The following DCC variants were observed in gnomAD, a reference collection of about 807,000 sequenced individuals.
DCC encodes the protein netrin receptor DCC.
Under a neutral mutation model 172.5 loss-of-function variants are expected in DCC, and 58 were observed. The observed-to-expected ratio is 0.34, with a 90% CI of 0.27 to 0.42. The LOEUF (loss-of-function observed/expected upper bound fraction) is 0.42. Ranked by LOEUF, DCC falls within the 10% of genes least tolerant of loss-of-function variation. The pLI is 1.00. For missense variants in DCC, 1,740 were observed against 1,791.0 expected, an observed-to-expected ratio of 0.97 and a Z score of 0.51; for synonymous variants, 709 against 644.5, an observed-to-expected ratio of 1.10 and a Z score of -1.52.
Position 52,773,198 on chromosome 18 carries a change from TG to T in DCC, c.412+20825del, listed in dbSNP as rs1370641146. ...TGAAATCCCTGAAAACTATAGCCTA[TG>T]TGTTAAGATTTATTCTTTAAGTTGG... On this transcript the variant is annotated intron_variant, in intron 2 of 28. Coordinates refer to ENST00000442544, the MANE Select transcript of DCC (RefSeq NM_005215.4). Among the ~76,000 whole-genome samples the T allele has an allele frequency of 4.6e-5, 7 of 152,334 alleles. No homozygotes were observed. In the East Asian group the frequency reaches 1.2e-3, roughly 25 times the overall value.
In DCC at chr18:53,449,315, A is replaced by C. The variant is rs532640289; in HGVS notation, c.3230-1185A>C. Among the ~76,000 whole-genome samples, 76 of 152,314 alleles carry C rather than the reference A, an allele frequency of 5.0e-4. No homozygotes were observed. In the South Asian group the frequency reaches 0.015, roughly 31 times the overall value. On this transcript the variant is annotated intron_variant, in intron 22 of 28. Coordinates refer to ENST00000442544, the MANE Select transcript of DCC (RefSeq NM_005215.4). ...TTGCTAGTTGATTTATCATTGACTG[A>C]GAGCTTAAGAAAGCTACGTCAAGGG...
At chr18:53,486,175 T>TTCA (rs2045897285) in intron 25 of DCC, among the ~76,000 whole-genome samples, 1 of 152,162 alleles carries the variant, frequency 6.6e-6, no homozygotes, top group Non-Finnish European at 1.5e-5. Context: ...ATCTGTGGGT[T>TTCA]TCAGCCACTG....
At position 53,095,668 on chromosome 18, in the gene DCC, C is replaced by T. The variant is rs2043075517; in HGVS notation, c.1261+29502C>T. ...TCAACTCATAAGACCTTTGTTATTG[C>T]ATTGAGCTTATTTAGATAAACCAGG... On this transcript the variant is annotated intron_variant, in intron 7 of 28. Coordinates refer to ENST00000442544, the MANE Select transcript of DCC (RefSeq NM_005215.4). 2.6e-5 allele frequency among the ~76,000 whole-genome samples: 4 copies of T among 152,076 alleles called. No individual in the cohort carries two copies. In the South Asian group the frequency reaches 8.3e-4, roughly 32 times the overall value.
chr18:52,553,240 A>G (rs1443252846), intron 1 of DCC, among the ~76,000 whole-genome samples: 1 of 152,056 alleles, frequency 6.6e-6, no homozygotes, highest in Non-Finnish European at 1.5e-5. Context: ...ACACACACAC[A>G]TATATGCTTT....
chr18:52,376,443 A>C (rs537561749), intron 1 of DCC, among the ~76,000 whole-genome samples: 1 of 152,120 alleles, frequency 6.6e-6, no homozygotes, highest in Non-Finnish European at 1.5e-5. Flanking sequence ...AAGAATAGAA[A>C]GAATAGACTT....
At chr18:53,144,905 T>C (rs1316019825) in intron 7 of DCC, among the ~76,000 whole-genome samples, 3 of 152,122 alleles carry the variant, frequency 2.0e-5, no homozygotes, top group Admixed American at 6.5e-5. Context: ...GGAGATAATA[T>C]AATAAGGTCA....
chr18:52,427,994 G>A (rs1402263534), intron 1 of DCC, among the ~76,000 whole-genome samples: 5 of 152,028 alleles, frequency 3.3e-5, no homozygotes, highest in East Asian at 3.9e-4. Flanking sequence ...ACAAAGTCAC[G>A]TCTCTAGGAC....
chr18:52,719,797 C>T (rs1400952567), intron 1 of DCC, among the ~76,000 whole-genome samples: 4 of 152,098 alleles, frequency 2.6e-5, no homozygotes, highest in Non-Finnish European at 5.9e-5. Context: ...TGGAGAATAA[C>T]ACTCCAGGTA....
chr18:53,332,451 A>G lies in DCC; in HGVS notation c.2165-7262A>G, dbSNP rs534676718. ...AAATTTGTAGAATAGCTAAGAGTAC[A>G]AACTATATGTGAAATGCTACATGAG... On this transcript the variant is annotated intron_variant, in intron 14 of 28. Coordinates refer to ENST00000442544, the MANE Select transcript of DCC (RefSeq NM_005215.4). 2.0e-5 allele frequency among the ~76,000 whole-genome samples: 3 copies of G among 152,328 alleles called. No individual in the cohort carries two copies. In the South Asian group the frequency reaches 6.2e-4, roughly 32 times the overall value.
intron 21 of DCC, among the ~76,000 whole-genome samples, chr18:53,418,310 A>G (rs1191960892): frequency 6.6e-6 from 1 of 152,200 alleles, no homozygotes; most frequent in Admixed American, 6.6e-5. Context: ...AGCACGTTTT[A>G]TAAACAAAAT....
At chr18:53,264,342 C>T (rs1265282472) in intron 12 of DCC, among the ~76,000 whole-genome samples, 2 of 151,874 alleles carry the variant, frequency 1.3e-5, no homozygotes, top group African/African-American at 4.8e-5. Context: ...CAAAAATTAG[C>T]CAGACGTGGT....
chr18:53,436,849 A>G (rs1911974307), intron 22 of DCC, among the ~76,000 whole-genome samples: 1 of 152,152 alleles, frequency 6.6e-6, no homozygotes, highest in South Asian at 2.1e-4. Flanking sequence ...TCCAAGATCA[A>G]GGTGCCAGCA....
intron 12 of DCC, among the ~76,000 whole-genome samples, chr18:53,295,115 A>G (rs2057050966): frequency 6.6e-6 from 1 of 152,142 alleles, no homozygotes; most frequent in African/African-American, 2.4e-5. Flanking sequence ...ATTTACTTCA[A>G]ACTTTGCATA....
intron 1 of DCC, among the ~76,000 whole-genome samples, chr18:52,418,969 T>G (rs748291809): frequency 2.7e-5 from 4 of 149,394 alleles, no homozygotes; most frequent in Non-Finnish European, 5.9e-5. Flanking sequence ...CAAGTGATTC[T>G]CCTGCCTCAG....
chr18:52,879,412 C>CTTTTTTTTTTTGTTTTTTTTTTTT (rs2039448935), intron 2 of DCC, among the ~76,000 whole-genome samples: 1 of 62,356 alleles, frequency 1.6e-5, no homozygotes, highest in Non-Finnish European at 2.9e-5. Flanking sequence ...TGTTGTTTGG[C>CTTTTTTTTTTTGTTTTTTTTTTTT]TTTTTTTTTT....
chr18:53,410,216 T>C (rs1240013131), intron 19 of DCC, among the ~76,000 whole-genome samples: 1 of 152,180 alleles, frequency 6.6e-6, no homozygotes, highest in African/African-American at 2.4e-5. Flanking sequence ...TTTTTAAATG[T>C]GGCAGATATT....
chr18:52,629,172 A>G (rs73955755), intron 1 of DCC, among the ~76,000 whole-genome samples: 2,550 of 152,244 alleles, frequency 0.017, 80 homozygotes, highest in African/African-American at 0.059. Context: ...GCAATAAATA[A>G]TCTACCATTT....
chr18:52,464,871 G>A (rs1988739030), intron 1 of DCC, among the ~76,000 whole-genome samples: 1 of 152,012 alleles, frequency 6.6e-6, no homozygotes, highest in African/African-American at 2.4e-5. Context: ...CATTTTTGGA[G>A]AGCACCATGA....
intron 2 of DCC, among the ~76,000 whole-genome samples, chr18:52,836,366 G>A (rs1031071481): frequency 3.9e-5 from 6 of 152,148 alleles, no homozygotes; most frequent in Admixed American, 2.6e-4. Context: ...TAACTCAAAA[G>A]TTCAAGTCCA....
Sources: allele counts gnomAD v4.1 joint callset (sites outside exome capture counted in the v4.1 genomes callset), GRCh38; gene constraint gnomAD v4.1.1; transcripts MANE v1.5; gene names NCBI Gene and HGNC (gene_info 2026-07-23, HGNC 2026-07-21).